The following SLC49A4 variants were observed in gnomAD, a reference collection of about 807,000 sequenced individuals.
The protein encoded by SLC49A4 is solute carrier family 49 member 4, also known as disrupted in renal cancer protein 2.
Under a neutral mutation model 50.6 loss-of-function variants are expected in SLC49A4, and 36 were observed. The observed-to-expected ratio is 0.71, with a 90% CI of 0.55 to 0.94. SLC49A4 has a LOEUF of 0.94. Among genes scored for constraint, SLC49A4 ranks in the 40% least tolerant of loss-of-function variants. The pLI is 0.00. For synonymous variants in SLC49A4, 248 were observed against 241.2 expected, an observed-to-expected ratio of 1.03 and a Z score of -0.26; for missense variants, 503 against 605.7, an observed-to-expected ratio of 0.83 and a Z score of 1.78.
intron 2 of SLC49A4, among the ~76,000 whole-genome samples, chr3:122,817,754 T>C: frequency 8.2e-6 from 1 of 121,874 alleles, no homozygotes; most frequent in South Asian, 2.6e-4. Context: ...CTAATTTTTT[T>C]TTTTTTTTTT....
At chr3:122,832,438 G>A (rs1182022251) in intron 3 of SLC49A4, among the ~76,000 whole-genome samples, 1 of 152,134 alleles carries the variant, frequency 6.6e-6, no homozygotes, top group Non-Finnish European at 1.5e-5. Context: ...CTCTACATTA[G>A]CTAGTCTTGT....
chr3:122,825,458 C>T (rs1486878950), intron 2 of SLC49A4, among the ~76,000 whole-genome samples: 3 of 151,900 alleles, frequency 2.0e-5, no homozygotes, highest in Non-Finnish European at 1.5e-5. Context: ...ACACTTGGAG[C>T]TATGTTGCCT....
At position 122,879,309 on chromosome 3, in the gene SLC49A4, TCTC is replaced by T. The variant is rs1396806758; in HGVS notation, c.1375_1377del (p.Leu459del). The T allele has an allele frequency of 1.9e-6, 3 of 1,613,968 alleles. No homozygotes were observed. The highest frequency in any genetic ancestry group is 1.7e-5 in the Admixed American group (1 of 60,002). On this transcript the variant is annotated inframe_deletion, in exon 9 of 9. Transcript: ENST00000261038. ...GCCTTCCCGGGTCGTGTTTGCTCAG[TCTC>T]CTCCTCATTCTGTGCTTCAGGGAAT...
Position 122,795,586 on chromosome 3 carries a change from C to G in SLC49A4, c.343+51C>G, listed in dbSNP as rs779613191. 3 of 1,538,150 alleles carry G rather than the reference C, an allele frequency of 2.0e-6. No individual in the cohort carries two copies. The Admixed American group carries it at 6.2e-5, about 32-fold the overall frequency. Reference sequence around the variant, plus strand: ...GCGCTGTCTCTCCTCCGGGAGCAGGCGCCTGCCCGCGCTCCAGGCCTGCCA... The same window carrying G: ...GCGCTGTCTCTCCTCCGGGAGCAGGGGCCTGCCCGCGCTCCAGGCCTGCCA... On this transcript the variant is annotated intron_variant, in intron 1 of 8. Transcript: ENST00000261038.
chr3:122,852,085 G>A (rs970622035), intron 5 of SLC49A4, among the ~76,000 whole-genome samples: 1 of 149,416 alleles, frequency 6.7e-6, no homozygotes, highest in Non-Finnish European at 1.5e-5. Context: ...TCTGCCTTCT[G>A]GGTTCAAGCA....
rs909958917 is a variant in SLC49A4 at position 122,795,642 on chromosome 3, G to A, written c.343+107G>A. On this transcript the variant is annotated intron_variant, in intron 1 of 8. Coordinates refer to ENST00000261038, the MANE Select transcript of SLC49A4 (RefSeq NM_032839.3). ...CTCCCTTGGCCCCGGCATAGGGGTT[G>A]TGTGAGGTGATAGAGTGTTGCTAGC... 3 of 1,469,812 alleles carry A rather than the reference G, an allele frequency of 2.0e-6. No individual in the cohort carries two copies. The African/African-American group carries it at 4.4e-5, about 22-fold the overall frequency. The allele number at this position is 1,469,812 out of a possible 1,614,324, so 91.0% of individuals were successfully genotyped here. A position where few individuals can be genotyped will look rare whatever the true frequency, so the allele number is the denominator to read the frequency against.
intron 5 of SLC49A4, among the ~76,000 whole-genome samples, chr3:122,850,778 A>G (rs751250019): frequency 5.3e-5 from 8 of 152,168 alleles, no homozygotes; most frequent in Non-Finnish European, 8.8e-5. Context: ...AGTGTGGGCC[A>G]TGTCGGGCCA....
chr3:122,795,231 G>T lies in SLC49A4; in HGVS notation c.39G>T (p.Pro13=), dbSNP rs1339465358. The part of the protein sequence containing the change: ...SRWSSEEERQ[P]LLGPGLGPGL... ...GGAGCAGCGAAGAGGAGAGGCAGCCGCTGCTGGGGCCCGGGCTCGGGCCTG... is the reference window on the plus strand; with the variant it reads ...GGAGCAGCGAAGAGGAGAGGCAGCCTCTGCTGGGGCCCGGGCTCGGGCCTG... The change falls in exon 1 of 9, where the codon CCG becomes CCT. Residue 13 remains proline, a synonymous_variant. Coordinates refer to ENST00000261038, the MANE Select transcript of SLC49A4 (RefSeq NM_032839.3). The T allele has an allele frequency of 8.2e-6, 11 of 1,337,072 alleles. No individual in the cohort carries two copies. Among genetic ancestry groups the T allele is most frequent in the Non-Finnish European group, 1.0e-5 (11 of 1,053,270 alleles). The allele number at this position is 1,337,072 out of a possible 1,614,324, so 82.8% of individuals were successfully genotyped here.
chr3:122,851,044 T>C (rs1463297431), intron 5 of SLC49A4, among the ~76,000 whole-genome samples: 1 of 152,224 alleles, frequency 6.6e-6, no homozygotes, highest in Non-Finnish European at 1.5e-5. Context: ...ACTTGACTTA[T>C]CAAATTAGAA....
chr3:122,879,372 C>T lies in SLC49A4; in HGVS notation c.1431C>T (p.Ser477=), dbSNP rs1937305779. Residue 477 remains serine (S), a synonymous_variant, in exon 9 of 9, where the codon TCC becomes TCT. Transcript: ENST00000261038. The part of the protein sequence containing the change: ...YDRLYLDVVV[S]V ...GACTCTATCTTGATGTGGTTGTCTC[C>T]GTTTAATAGCACAGACTTGAAGGAG... The T allele has an allele frequency of 5.0e-6, 8 of 1,610,384 alleles. No homozygotes were observed. Among genetic ancestry groups the T allele is most frequent in the South Asian group, 1.1e-5 (1 of 90,976 alleles).
At chr3:122,828,880 T>C (rs1374065183) in intron 3 of SLC49A4, among the ~76,000 whole-genome samples, 1 of 152,222 alleles carries the variant, frequency 6.6e-6, no homozygotes, top group Non-Finnish European at 1.5e-5. Flanking sequence ...AATGATTGTA[T>C]TTTTTACATG....
Position 122,820,529 on chromosome 3 carries a change from G to T in SLC49A4, c.438-6271G>T, listed in dbSNP as rs563523245. Among the ~76,000 whole-genome samples the T allele has an allele frequency of 6.6e-5, 10 of 152,296 alleles. No individual in the cohort carries two copies. The South Asian group carries it at 1.7e-3, about 25-fold the overall frequency. ...AGGATATTAGAAAGCAAAAGGTTAG[G>T]ATACCAGAATATTAAATGCAAGCTA... On this transcript the variant is annotated intron_variant, in intron 2 of 8. Coordinates refer to ENST00000261038, the MANE Select transcript of SLC49A4 (RefSeq NM_032839.3).
At chr3:122,804,137 G>T (rs1576290007) in intron 1 of SLC49A4, among the ~76,000 whole-genome samples, 2 of 152,294 alleles carry the variant, frequency 1.3e-5, no homozygotes, top group South Asian at 4.1e-4. Flanking sequence ...CATCCAGGGA[G>T]GCCACAGGAA....
intron 1 of SLC49A4, among the ~76,000 whole-genome samples, chr3:122,798,792 C>G (rs1009279053): frequency 2.0e-5 from 3 of 151,746 alleles, no homozygotes; most frequent in Non-Finnish European, 4.4e-5. Flanking sequence ...CACGCACCAC[C>G]AAGCCTGGCT....
At chr3:122,843,806 C>T (rs1289635723) in intron 4 of SLC49A4, among the ~76,000 whole-genome samples, 2 of 152,170 alleles carry the variant, frequency 1.3e-5, no homozygotes, top group Non-Finnish European at 2.9e-5. Flanking sequence ...TTTTGTTTTA[C>T]AAGACCGCTT....
chr3:122,796,262 T>G (rs1936037868), intron 1 of SLC49A4, among the ~76,000 whole-genome samples: 1 of 152,192 alleles, frequency 6.6e-6, no homozygotes, highest in African/African-American at 2.4e-5. Context: ...GATAAATGAT[T>G]AGTAGTGACA....
At chr3:122,796,301 A>T (rs1447331116) in intron 1 of SLC49A4, among the ~76,000 whole-genome samples, 1 of 152,196 alleles carries the variant, frequency 6.6e-6, no homozygotes, top group Non-Finnish European at 1.5e-5. Flanking sequence ...GTTGTGCAAG[A>T]TTTTATATTT....
chr3:122,861,182 CA>C (rs1284991759), intron 7 of SLC49A4, among the ~76,000 whole-genome samples: 2 of 152,120 alleles, frequency 1.3e-5, no homozygotes, highest in Non-Finnish European at 2.9e-5. Context: ...AGCTGATTAG[CA>C]ACCTTAGTCC....
rs77819385 is a variant in SLC49A4, at chr3:122,817,747, A to ATTTTTT, written c.438-9030_438-9025dup. Among the ~76,000 whole-genome samples the ATTTTTT allele has an allele frequency of 2.4e-4, 17 of 71,892 alleles. 1 individual carries two copies. The highest frequency in any genetic ancestry group is 1.3e-3 in the South Asian group (2 of 1,536). The allele number at this position is 71,892 out of a possible 152,430, so 47.2% of individuals were successfully genotyped here. On this transcript the variant is annotated intron_variant, in intron 2 of 8. Coordinates refer to ENST00000261038, the MANE Select transcript of SLC49A4 (RefSeq NM_032839.3). ...AGGCATGTGCCACCACACCCAGCTA[A>ATTTTTT]TTTTTTTTTTTTTTTTTTTTTTTTT...
Sources: gnomAD v4.1 joint callset for allele counts (sites outside exome capture counted in the v4.1 genomes callset) on GRCh38, gnomAD v4.1.1 for gene constraint, MANE v1.5 for transcripts, NCBI Gene and HGNC (gene_info 2026-07-23, HGNC 2026-07-21) for gene names.